LY6S: variants seen among roughly 807,000 people sequenced by gnomAD.
The protein encoded by LY6S is lymphocyte antigen 6 family member S.
At chr8:143,071,122 G>A in the LY6S span, among the ~76,000 whole-genome samples, 1 of 151,950 alleles carries the variant, frequency 6.6e-6, no homozygotes, top group African/African-American at 2.4e-5. Context: ...AGACTCAGGA[G>A]GCGGCATGGC....
At chr8:143,045,246 G>A in the LY6S span, among the ~76,000 whole-genome samples, 14 of 152,208 alleles carry the variant, frequency 9.2e-5, no homozygotes, top group African/African-American at 3.1e-4. This position sits in a 1 kb window ranked among gnomAD's most constrained non-coding sequence, Gnocchi z 5.3. Flanking sequence ...GAGTGCGCTG[G>A]AACAAAGTCC....
chr8:143,072,294 G>A, the LY6S span, among the ~76,000 whole-genome samples: 14 of 132,504 alleles, frequency 1.1e-4, no homozygotes, highest in Admixed American at 3.0e-4. Context: ...CCTGTTTGAG[G>A]AGACAGCCGT....
the LY6S span, among the ~76,000 whole-genome samples, chr8:143,055,185 C>T: frequency 6.6e-6 from 1 of 152,042 alleles, no homozygotes; most frequent in Non-Finnish European, 1.5e-5. Context: ...ACTTTTAGAC[C>T]AACTTTGTTT....
chr8:143,044,734 C>T, the LY6S span: 1 of 1,367,600 alleles, frequency 7.3e-7, no homozygotes, highest in Non-Finnish European at 9.8e-7. Flanking sequence ...CAGGAAGGGG[C>T]ACGAGACCAC....
At chr8:143,057,024 GC>G in the LY6S span, 1 of 244,814 alleles carries the variant, frequency 4.1e-6, no homozygotes, top group African/African-American at 2.3e-5. Flanking sequence ...TAGGAGGTTT[GC>G]CCATCTTCCT....
chr8:143,053,120 G>A, the LY6S span: 1 of 152,164 alleles, frequency 6.6e-6, no homozygotes. Context: ...TAAATGGAAG[G>A]GACCTTACCA....
chr8:143,042,635 T>G, the LY6S span: 3 of 219,244 alleles, frequency 1.4e-5, no homozygotes, highest in South Asian at 1.4e-4. Flanking sequence ...GGCTGTTTGT[T>G]GACCTTGAGA....
At chr8:143,069,121 G>A in the LY6S span, among the ~76,000 whole-genome samples, 1 of 152,110 alleles carries the variant, frequency 6.6e-6, no homozygotes, top group African/African-American at 2.4e-5. Context: ...AATTGTCTCT[G>A]GGCTCAAGGC....
At chr8:143,072,900 T>G in the LY6S span, among the ~76,000 whole-genome samples, 2 of 118,574 alleles carry the variant, frequency 1.7e-5, no homozygotes, top group African/African-American at 5.8e-5. Flanking sequence ...GGGGTCCCTG[T>G]TTGAGGAGAC....
chr8:143,072,061 T>G, the LY6S span, among the ~76,000 whole-genome samples: 1 of 152,144 alleles, frequency 6.6e-6, no homozygotes, highest in Admixed American at 6.5e-5. Flanking sequence ...CCTCTCAGCT[T>G]TTATTTATCT....
chr8:143,050,815 G>A, the LY6S span, among the ~76,000 whole-genome samples: 18 of 152,020 alleles, frequency 1.2e-4, no homozygotes, highest in African/African-American at 4.4e-4. Flanking sequence ...AAAAAAGAGG[G>A]GCAGGACATG....
At chr8:143,059,753 C>T in the LY6S span, 2 of 152,108 alleles carry the variant, frequency 1.3e-5, no homozygotes, top group Admixed American at 1.3e-4. Context: ...AGTCATGAGC[C>T]ACTGTGTCTG....
At chr8:143,057,090 T>C in the LY6S span, 1 of 303,750 alleles carries the variant, frequency 3.3e-6, no homozygotes, top group Non-Finnish European at 6.7e-6. Flanking sequence ...TCTGGCTTGT[T>C]TGTGCAACTT....
chr8:143,073,876 G>T, the LY6S span, among the ~76,000 whole-genome samples: 3 of 144,382 alleles, frequency 2.1e-5, no homozygotes, highest in African/African-American at 7.7e-5. Flanking sequence ...CATCGTCCCC[G>T]GGGTTCCTGT....
At chr8:143,064,283 G>A in the LY6S span, among the ~76,000 whole-genome samples, 1 of 152,220 alleles carries the variant, frequency 6.6e-6, no homozygotes, top group Non-Finnish European at 1.5e-5. Flanking sequence ...GGCTGAGATG[G>A]AAGCAGTTGC....
the LY6S span, among the ~76,000 whole-genome samples, chr8:143,051,402 G>A: frequency 1.3e-5 from 2 of 151,718 alleles, no homozygotes; most frequent in East Asian, 1.9e-4. Flanking sequence ...TTAGCTGGCC[G>A]TGATGGCATG....
chr8:143,050,474 C>T, the LY6S span, among the ~76,000 whole-genome samples: 1 of 151,962 alleles, frequency 6.6e-6, no homozygotes, highest in African/African-American at 2.4e-5. Context: ...AGCCAGCTTG[C>T]CCGGCCCCAA....
the LY6S span, among the ~76,000 whole-genome samples, chr8:143,058,202 T>A: frequency 2.0e-5 from 3 of 151,976 alleles, no homozygotes; most frequent in African/African-American, 7.3e-5. Context: ...ATTGTAGAAA[T>A]AAAGACACAA....
chr8:143,057,708 T>A, the LY6S span: 1 of 806,430 alleles, frequency 1.2e-6, no homozygotes, highest in Middle Eastern at 3.5e-4. Flanking sequence ...AGGCGTTGTT[T>A]AATGACCTCA....
Sources: allele counts gnomAD v4.1 joint callset (sites outside exome capture counted in the v4.1 genomes callset), GRCh38; gene constraint gnomAD v4.1.1; non-coding constraint Gnocchi (gnomAD v3.1); transcripts MANE v1.5; gene names NCBI Gene and HGNC (gene_info 2026-07-23, HGNC 2026-07-21).